Variants in TBX19 observed in about 807,000 individuals in gnomAD.
TBX19 encodes the protein T-box transcription factor 19, also known as T-box transcription factor TBX19.
In TBX19, 33 loss-of-function variants were observed where a neutral mutation model predicts 40.9. The observed-to-expected ratio is 0.81, with a 90% CI of 0.61 to 1.08. The LOEUF is 1.08. TBX19 is among the 50% of genes least tolerant of loss of function. The pLI is 0.00. For synonymous variants in TBX19, 220 were observed against 225.0 expected (o/e 0.98, Z 0.20); for missense variants, 494 against 574.0 (o/e 0.86, Z 1.42).
Position 168,313,986 on chromosome 1 carries a change from C to T in TBX19, c.*984C>T, listed in dbSNP as rs1019833524. The T allele has an allele frequency of 6.6e-6, 1 of 152,274 alleles. No homozygotes were observed. Among genetic ancestry groups the T allele is most frequent in the Non-Finnish European group, 1.5e-5 (1 of 68,080 alleles). 9.4% of individuals were successfully genotyped at this position (152,274 alleles called of 1,614,324 possible). On this transcript the variant is annotated 3_prime_UTR_variant, in exon 8 of 8. Transcript: ENST00000367821. ...GATCACACCATCTGGCCTGAAACCA[C>T]TTCCCCAGCTTAGGTCCCTCTGTTA...
At chr1:168,293,038 C>T in intron 2 of TBX19, 106 bp from the exon 3 acceptor site, 1 of 1,581,526 alleles carries the variant, frequency 6.3e-7, no homozygotes, top group African/African-American at 1.3e-5. Flanking sequence ...GTGTCCCTAA[C>T]CGGGGTGGTG....
intron 1 of TBX19, 37 bp from the exon 2 acceptor site, chr1:168,291,123 G>T: frequency 6.2e-7 from 1 of 1,613,410 alleles, no homozygotes; most frequent in Non-Finnish European, 8.5e-7. Flanking sequence ...TTCCTCTAAC[G>T]TCCCTCCTGT....
chr1:168,281,026 GGGAA>G lies in TBX19; in HGVS notation c.-59_-56del. 1.3e-6 allele frequency: 2 copies of G among 1,504,494 alleles called. No individual in the cohort carries two copies. Among genetic ancestry groups the G allele is most frequent in the Non-Finnish European group, 1.8e-6 (2 of 1,085,066 alleles). The allele number at this position is 1,504,494 out of a possible 1,614,324, so 93.2% of individuals were successfully genotyped here. A position where few individuals can be genotyped will look rare whatever the true frequency, so the allele number is the denominator to read the frequency against. On this transcript the variant is annotated 5_prime_UTR_variant, in exon 1 of 8. Transcript: ENST00000367821. ...GTGGGTTTGAAAAGCAGGCAAGTGA[GGGAA>G]GGAAGAAGCTAGAAGCAGGCAAGTT...
At chr1:168,282,223 T>G (rs1294127543) in intron 1 of TBX19, among the ~76,000 whole-genome samples, 1 of 152,172 alleles carries the variant, frequency 6.6e-6, no homozygotes, top group Non-Finnish European at 1.5e-5. Context: ...TCGAGAGAAT[T>G]CTGATAAAAG....
rs1317346309 is a variant in TBX19 at position 168,313,774 on chromosome 1, T to C, written c.*772T>C. 6.6e-6 allele frequency: 1 copy of C among 152,394 alleles called. No homozygotes were observed. The highest frequency in any genetic ancestry group is 1.5e-5 in the Non-Finnish European group (1 of 68,254). 9.4% of individuals were successfully genotyped at this position (152,394 alleles called of 1,614,324 possible). A position where few individuals can be genotyped will look rare whatever the true frequency, so the allele number is the denominator to read the frequency against. On this transcript the variant is annotated 3_prime_UTR_variant, in exon 8 of 8. Transcript: ENST00000367821. ...CAAAAAATAGTCATGCACACAAAAT[T>C]AGCTGGGCATGGTGGCCTGTGCCTA...
chr1:168,302,084 A>G (rs1450506481), intron 5 of TBX19, among the ~76,000 whole-genome samples: 2 of 152,236 alleles, frequency 1.3e-5, no homozygotes, highest in Non-Finnish European at 2.9e-5. Context: ...CATGTGCAGA[A>G]CCATAGGAGT....
intron 7 of TBX19, among the ~76,000 whole-genome samples, chr1:168,311,635 GAAACA>G (rs1649527376): frequency 2.0e-5 from 3 of 152,082 alleles, no homozygotes; most frequent in African/African-American, 4.8e-5. Context: ...TATTTTGTTA[GAAACA>G]AAACAAAACA....
At chr1:168,290,044 A>G (rs1427657836) in intron 1 of TBX19, among the ~76,000 whole-genome samples, 1 of 152,092 alleles carries the variant, frequency 6.6e-6, no homozygotes, top group Non-Finnish European at 1.5e-5. Flanking sequence ...AAATCCAAAA[A>G]TTAGCCAGGC....
intron 2 of TBX19, among the ~76,000 whole-genome samples, chr1:168,292,477 A>G (rs550851516): frequency 1.6e-4 from 24 of 152,346 alleles, no homozygotes; most frequent in African/African-American, 3.8e-4. Flanking sequence ...GGCAAACAAT[A>G]TATTTTGATG....
chr1:168,298,672 CCTT>C (rs1459065733), intron 4 of TBX19, among the ~76,000 whole-genome samples: 1 of 150,258 alleles, frequency 6.7e-6, no homozygotes, highest in East Asian at 2.0e-4. Context: ...TTCCTTCCTT[CCTT>C]CTTTTTCTTT....
In TBX19 at chr1:168,305,143, A is replaced by C; in HGVS notation, c.863A>C (p.His288Pro). The change falls in exon 6 of 8, where the codon CAC (histidine) becomes CCC (proline). Residue 288 changes from histidine to proline, a missense_variant. By Grantham distance (77) the His-to-Pro change is moderately conservative. This residue lies in a region of TBX19 where 284 missense variants were observed against 307.3 expected (regional missense o/e 0.92). Transcript: ENST00000367821. Reference protein sequence around the residue: ...GCEHYSGLRGHRQAPYPSAYM... With the variant: ...GCEHYSGLRGPRQAPYPSAYM... The stretch of plus-strand genomic sequence containing the variant: ...GAGCACTATTCGGGTCTCCGAGGAC[A>C]CCGGCAGGCTCCCTACCCTTCTGCG... The C allele has an allele frequency of 6.2e-7, 1 of 1,613,856 alleles. No individual in the cohort carries two copies. The highest frequency in any genetic ancestry group is 8.5e-7 in the Non-Finnish European group (1 of 1,180,032).
At chr1:168,298,472 C>T (rs999051845) in intron 4 of TBX19, among the ~76,000 whole-genome samples, 1 of 152,026 alleles carries the variant, frequency 6.6e-6, no homozygotes, top group Admixed American at 6.6e-5. Flanking sequence ...CTACATTTAG[C>T]CTAGGAAAAG....
chr1:168,298,800 C>CTCCT (rs1553289825), intron 4 of TBX19, among the ~76,000 whole-genome samples: 531 of 8,020 alleles, frequency 0.066, 67 homozygotes, highest in East Asian at 0.28. Context: ...CTCCTCTCCT[C>CTCCT]CCCTCCCTCC....
chr1:168,290,204 G>A (rs1648904514), intron 1 of TBX19, among the ~76,000 whole-genome samples: 2 of 152,108 alleles, frequency 1.3e-5, no homozygotes, highest in Non-Finnish European at 2.9e-5. Flanking sequence ...GTTTCTTTTC[G>A]GGATGATGAA....
intron 1 of TBX19, among the ~76,000 whole-genome samples, chr1:168,289,752 C>T (rs957987501): frequency 6.6e-6 from 1 of 152,216 alleles, no homozygotes; most frequent in Admixed American, 6.5e-5. Flanking sequence ...TACACCCAAG[C>T]CCTTCGGCTG....
chr1:168,293,105 C>G (rs1195270708), intron 2 of TBX19, 39 bp from the exon 3 acceptor site: 1 of 1,611,308 alleles, frequency 6.2e-7, no homozygotes, highest in Non-Finnish European at 8.5e-7. Context: ...ATACACGGGG[C>G]TTTGCTTTTC....
Position 168,293,206 on chromosome 1 carries a change from C to T in TBX19, c.531C>T (p.Ala177=). 2.5e-6 allele frequency: 4 copies of T among 1,613,736 alleles called. No individual in the cohort carries two copies. The highest frequency in any genetic ancestry group is 3.4e-6 in the Non-Finnish European group (4 of 1,179,918). Residue 177 remains alanine (A), a synonymous_variant, in exon 3 of 8, where the codon GCC becomes GCT. Coordinates refer to ENST00000367821, the MANE Select transcript of TBX19 (RefSeq NM_005149.3). ...PQVHIVRVGS[A]HRMVTNCSFP... ...TTCACATAGTGCGTGTTGGAAGTGCCCATCGAATGGTAACAAACTGCTCCT... is the reference window on the plus strand; with the variant it reads ...TTCACATAGTGCGTGTTGGAAGTGCTCATCGAATGGTAACAAACTGCTCCT...
chr1:168,295,768 G>A (rs1236298658), intron 3 of TBX19, among the ~76,000 whole-genome samples: 1 of 152,136 alleles, frequency 6.6e-6, no homozygotes, highest in Non-Finnish European at 1.5e-5. Context: ...GGTGGTGGGG[G>A]GTGCATGTGG....
chr1:168,306,993 A>G (rs1649419373), intron 6 of TBX19, among the ~76,000 whole-genome samples: 1 of 152,108 alleles, frequency 6.6e-6, no homozygotes, highest in Admixed American at 6.5e-5. Flanking sequence ...GGGCAGGGGT[A>G]AAAGGTGGAG....
Sources: gnomAD v4.1 joint callset for allele counts (sites outside exome capture counted in the v4.1 genomes callset) on GRCh38, gnomAD v4.1.1 for gene constraint, gnomAD v4.1.1 regional missense constraint, MANE v1.5 for transcripts, NCBI Gene and HGNC (gene_info 2026-07-23, HGNC 2026-07-21) for gene names.